The following SLC38A11 variants were observed in gnomAD, a reference collection of about 807,000 sequenced individuals.
SLC38A11 encodes putative sodium-coupled neutral amino acid transporter 11.
In SLC38A11, 51 loss-of-function variants were observed where a neutral mutation model predicts 49.4. The observed-to-expected ratio is 1.03, with a 90% CI of 0.83 to 1.30. SLC38A11 has a LOEUF of 1.30. Ranked by LOEUF, SLC38A11 falls within the 50% of genes most tolerant of loss-of-function variation. The pLI is 0.00. For missense variants in SLC38A11, 574 were observed against 556.2 expected, an observed-to-expected ratio of 1.03 and a Z score of -0.32; for synonymous variants, 203 against 192.9, an observed-to-expected ratio of 1.05 and a Z score of -0.43.
intron 7 of SLC38A11, among the ~76,000 whole-genome samples, chr2:164,919,377 T>C (rs1686020965): frequency 6.6e-6 from 1 of 151,286 alleles, no homozygotes; most frequent in Non-Finnish European, 1.5e-5. Flanking sequence ...GGAAAAGAAA[T>C]TTAAAACTCA....
Position 164,908,632 on chromosome 2 carries a change from G to C in SLC38A11, c.1095+8C>G. ...AGAGTGAAGGGGTAAATCTTTGCAC[G>C]TACTCACATTGAGTTCTAGAACTAT... is the stretch of plus-strand genomic sequence containing the variant. On this transcript the variant is annotated splice_region_variant and intron_variant, in intron 11 of 11. Transcript: ENST00000685975. 6.6e-7 allele frequency: 1 copy of C among 1,517,414 alleles called. No homozygotes were observed. The highest frequency in any genetic ancestry group is 8.9e-7 in the Non-Finnish European group (1 of 1,125,728). The allele number at this position is 1,517,414 out of a possible 1,614,324, so 94.0% of individuals were successfully genotyped here.
In SLC38A11 at chr2:164,946,477, A is replaced by G. The variant is rs1688114017; in HGVS notation, c.230-750T>C. Among the ~76,000 whole-genome samples, 3 of 151,478 alleles carry G rather than the reference A, an allele frequency of 2.0e-5. No homozygotes were observed. In the South Asian group the frequency reaches 6.3e-4, roughly 32 times the overall value. On this transcript the variant is annotated intron_variant, in intron 3 of 11. Transcript: ENST00000685975. ...GCTACTTGGGAGGCTAAGGCAGGAG[A>G]ATCGCTCAAATCCAGGAGGCAGAAG...
Position 164,908,777 on chromosome 2 carries a change from G to T in SLC38A11, c.964-6C>A, listed in dbSNP as rs201615252. 1.2e-6 allele frequency: 2 copies of T among 1,603,708 alleles called. No homozygotes were observed. Among genetic ancestry groups the T allele is most frequent in the South Asian group, 1.1e-5 (1 of 89,012 alleles). The stretch of plus-strand genomic sequence containing the variant: ...AAAAACACATTGGCAATTACCTGCC[G>T]AATAAACAGATTATTTTGAGAGGGA... On this transcript the variant is annotated splice_region_variant and splice_polypyrimidine_tract_variant and intron_variant, in intron 10 of 11. Transcript: ENST00000685975.
rs532283417 is a variant in SLC38A11, at chr2:164,948,933, C to A, written c.230-3206G>T. 2.0e-3 allele frequency among the ~76,000 whole-genome samples: 297 copies of A among 150,218 alleles called. 1 individual carries two copies. The highest frequency in any genetic ancestry group is 6.8e-3 in the African/African-American group (279 of 40,852). ...TAAATACTCAGAGGAAGTATCTCCT[C>A]CTCCCTAGAACATTCCTGCTCTTTT... On this transcript the variant is annotated intron_variant, in intron 3 of 11. Coordinates refer to ENST00000685975, the MANE Select transcript of SLC38A11 (RefSeq NM_001351537.2).
chr2:164,955,351 T>G lies in SLC38A11; in HGVS notation c.-104A>C, dbSNP rs1574032600. On this transcript the variant is annotated 5_prime_UTR_variant, in exon 1 of 12. Transcript: ENST00000685975. Reference sequence around the variant, plus strand: ...CTCGCACACAGCCGAGGTCCGCGTGTAGCCGCAGAGCTGCAGGGAGCCAGT... The same window carrying G: ...CTCGCACACAGCCGAGGTCCGCGTGGAGCCGCAGAGCTGCAGGGAGCCAGT... 8.6e-7 allele frequency: 1 copy of G among 1,160,268 alleles called. No individual in the cohort carries two copies. Among genetic ancestry groups the G allele is most frequent in the East Asian group, 2.6e-5 (1 of 38,558 alleles). 71.9% of individuals were successfully genotyped at this position (1,160,268 alleles called of 1,614,324 possible).
chr2:164,951,357 T>A (rs1403858916), intron 3 of SLC38A11, among the ~76,000 whole-genome samples: 2 of 152,122 alleles, frequency 1.3e-5, no homozygotes, highest in African/African-American at 4.8e-5. Context: ...AATCCTTGAA[T>A]GAAATTTTTT....
chr2:164,933,016 C>G (rs1183604558), intron 7 of SLC38A11, among the ~76,000 whole-genome samples: 6 of 152,034 alleles, frequency 3.9e-5, no homozygotes, highest in Non-Finnish European at 1.5e-5. Flanking sequence ...TAGCATAAAA[C>G]TGCAGAATTC....
intron 4 of SLC38A11, among the ~76,000 whole-genome samples, chr2:164,945,271 T>A (rs1448886215): frequency 7.4e-5 from 11 of 148,960 alleles, no homozygotes; most frequent in Admixed American, 4.7e-4. Flanking sequence ...TTTTTTTTTT[T>A]AAAGTATTAA....
At chr2:164,923,115 A>T (rs1366905385) in intron 7 of SLC38A11, among the ~76,000 whole-genome samples, 1 of 152,242 alleles carries the variant, frequency 6.6e-6, no homozygotes, top group Non-Finnish European at 1.5e-5. Context: ...CTCAAACTAT[A>T]AAAATCCTAG....
chr2:164,914,257 T>C (rs921332604), intron 9 of SLC38A11, among the ~76,000 whole-genome samples: 1 of 151,800 alleles, frequency 6.6e-6, no homozygotes, highest in African/African-American at 2.4e-5. Context: ...GCAAGAGCTG[T>C]GAAATATGTA....
chr2:164,915,313 C>T, intron 8 of SLC38A11, 40 bp from the exon 9 acceptor site: 1 of 1,542,136 alleles, frequency 6.5e-7, no homozygotes, highest in Non-Finnish European at 8.7e-7. Context: ...AATCAAGCAC[C>T]AGGGTTTTCT....
At chr2:164,949,155 A>G (rs1688345500) in intron 3 of SLC38A11, among the ~76,000 whole-genome samples, 1 of 151,454 alleles carries the variant, frequency 6.6e-6, no homozygotes, top group African/African-American at 2.4e-5. Context: ...ATCAATGATC[A>G]CTATAGCAGG....
At chr2:164,922,348 A>G (rs942150352) in intron 7 of SLC38A11, 1 of 152,170 alleles carries the variant, frequency 6.6e-6, no homozygotes, top group Admixed American at 6.5e-5. Flanking sequence ...GGATGACACA[A>G]AACAAAGGCT....
chr2:164,901,675 C>T (rs1375981841), intron 11 of SLC38A11, among the ~76,000 whole-genome samples: 2 of 152,092 alleles, frequency 1.3e-5, no homozygotes, highest in Non-Finnish European at 2.9e-5. Context: ...GGATTTTCCA[C>T]ATATAGAATC....
chr2:164,907,270 CTT>C (rs60527900), intron 11 of SLC38A11, among the ~76,000 whole-genome samples: 1,880 of 97,894 alleles, frequency 0.019, 16 homozygotes, highest in African/African-American at 0.056. Context: ...CTTCTTTTCT[CTT>C]TTTTTTTTTT....
At position 164,939,567 on chromosome 2, in the gene SLC38A11, A is replaced by G. The variant is rs377448126; in HGVS notation, c.431-11T>C. The G allele has an allele frequency of 7.2e-5, 112 of 1,554,008 alleles. No individual in the cohort carries two copies. The highest frequency in any genetic ancestry group is 9.4e-5 in the Non-Finnish European group (106 of 1,129,426). On this transcript the variant is annotated splice_polypyrimidine_tract_variant and intron_variant, in intron 5 of 11. Coordinates refer to ENST00000685975, the MANE Select transcript of SLC38A11 (RefSeq NM_001351537.2). The stretch of plus-strand genomic sequence containing the variant: ...CGTTTTCAGGATCAACTAAAACACA[A>G]TAAATATTATTAAATGTTACAGGTA...
chr2:164,899,683 T>G (rs975829419), intron 11 of SLC38A11, among the ~76,000 whole-genome samples: 23 of 152,128 alleles, frequency 1.5e-4, no homozygotes, highest in African/African-American at 5.5e-4. Context: ...TAAATTTTAT[T>G]GTGTATATTT....
chr2:164,930,438 G>A (rs1367301584), intron 7 of SLC38A11, among the ~76,000 whole-genome samples: 1 of 151,524 alleles, frequency 6.6e-6, no homozygotes, highest in Non-Finnish European at 1.5e-5. Flanking sequence ...ATCTGGCAGA[G>A]AAACAACATC....
intron 11 of SLC38A11, among the ~76,000 whole-genome samples, chr2:164,902,368 T>C (rs1375002917): frequency 1.3e-5 from 2 of 152,156 alleles, no homozygotes; most frequent in African/African-American, 4.8e-5. Flanking sequence ...ATTTCACAAA[T>C]GTTGTTCTCT....
Sources: allele counts gnomAD v4.1 joint callset (sites outside exome capture counted in the v4.1 genomes callset), GRCh38; gene constraint gnomAD v4.1.1; transcripts MANE v1.5; gene names NCBI Gene and HGNC (gene_info 2026-07-23, HGNC 2026-07-21).